The following SAMD5 variants were observed in gnomAD, a reference collection of about 807,000 sequenced individuals.
SAMD5 encodes the protein sterile alpha motif domain containing 5.
In SAMD5, 13 loss-of-function variants were observed where a neutral mutation model predicts 11.3. The ratio of observed to expected loss-of-function variants is 1.15; its 90% CI spans 0.75 to 1.83. The LOEUF (loss-of-function observed/expected upper bound fraction) is 1.83, where lower values mean the gene tolerates loss of function less well. SAMD5 is among the 40% of genes most tolerant of loss of function. The pLI is 0.00. For missense variants in SAMD5, 255 were observed against 239.1 expected (o/e 1.07, Z -0.44); for synonymous variants, 129 against 111.3 (o/e 1.16, Z -1.00).
chr6:147,577,557 C>A (rs1308481953), intron 1 of SAMD5, among the ~76,000 whole-genome samples: 1 of 151,970 alleles, frequency 6.6e-6, no homozygotes, highest in Non-Finnish European at 1.5e-5. Flanking sequence ...TCTCTTTTAG[C>A]CTACAAATCC....
the SAMD5 span, among the ~76,000 whole-genome samples, chr6:147,867,452 T>C: frequency 1.3e-5 from 2 of 152,090 alleles, no homozygotes; most frequent in Non-Finnish European, 2.9e-5. Context: ...AGAAATAATA[T>C]GTAAAATGCC....
At chr6:147,752,311 A>G in the SAMD5 span, among the ~76,000 whole-genome samples, 1 of 152,216 alleles carries the variant, frequency 6.6e-6, no homozygotes, top group Admixed American at 6.5e-5. Context: ...ATCGTGTTTC[A>G]TTGTGATACC....
chr6:147,937,328 C>T, the SAMD5 span, among the ~76,000 whole-genome samples: 2 of 152,122 alleles, frequency 1.3e-5, 1 homozygote, highest in South Asian at 4.1e-4. Flanking sequence ...AAATTTGGAT[C>T]CTCTAGCAAG....
the SAMD5 span, among the ~76,000 whole-genome samples, chr6:147,790,750 CTCTCTT>C: frequency 1.7e-3 from 121 of 72,562 alleles, 3 homozygotes; most frequent in African/African-American, 8.5e-3. Flanking sequence ...CTCTCTCTCT[CTCTCTT>C]TCTCTCTCTC....
At chr6:147,942,657 G>A in the SAMD5 span, among the ~76,000 whole-genome samples, 6 of 152,292 alleles carry the variant, frequency 3.9e-5, no homozygotes, top group East Asian at 1.2e-3. Context: ...TGGAAAAGCT[G>A]CAGCTCCAGC....
chr6:147,795,991 G>A, the SAMD5 span, among the ~76,000 whole-genome samples: 900 of 147,150 alleles, frequency 6.1e-3, 3 homozygotes, highest in African/African-American at 0.018. Context: ...AGTAGGTTGC[G>A]AAAATTTTCT....
the SAMD5 span, among the ~76,000 whole-genome samples, chr6:147,822,573 G>A: frequency 6.6e-6 from 1 of 152,110 alleles, no homozygotes; most frequent in East Asian, 1.9e-4. Context: ...TCAATGCTAT[G>A]CCACCTCGGG....
chr6:147,667,452 T>C (rs1351273937), intron 1 of SAMD5, among the ~76,000 whole-genome samples: 2 of 152,190 alleles, frequency 1.3e-5, no homozygotes, highest in Non-Finnish European at 2.9e-5. Flanking sequence ...CAAAGCCTGG[T>C]CTGGAACAGC....
At chr6:147,643,506 C>A (rs963704117) in intron 1 of SAMD5, among the ~76,000 whole-genome samples, 20 of 152,108 alleles carry the variant, frequency 1.3e-4, no homozygotes, top group African/African-American at 4.8e-4. Context: ...AACTTTACTT[C>A]TTTTACCCCG....
chr6:147,741,674 CA>C (rs1477361894), downstream of SAMD5: 1 of 152,142 alleles, frequency 6.6e-6, no homozygotes, highest in African/African-American at 2.4e-5. Flanking sequence ...GGCTTCTGAT[CA>C]CAACCCCACA....
chr6:147,837,229 TC>T, the SAMD5 span, among the ~76,000 whole-genome samples: 2 of 152,138 alleles, frequency 1.3e-5, no homozygotes, highest in Non-Finnish European at 2.9e-5. Flanking sequence ...CCTAAGTACC[TC>T]CTTCTCAAAG....
chr6:147,884,221 G>T, the SAMD5 span, among the ~76,000 whole-genome samples: 1 of 152,126 alleles, frequency 6.6e-6, no homozygotes, highest in Non-Finnish European at 1.5e-5. Flanking sequence ...AGAACTGATA[G>T]GGTACCATTC....
At chr6:147,707,334 A>G (rs903259971) in intron 1 of SAMD5, among the ~76,000 whole-genome samples, 1 of 152,224 alleles carries the variant, frequency 6.6e-6, no homozygotes, top group Non-Finnish European at 1.5e-5. Flanking sequence ...TGAATACACC[A>G]TTTTGTTCAG....
In SAMD5 at chr6:147,662,333, A is replaced by G. The variant is rs572513095; in HGVS notation, c.163-74984A>G. Among the ~76,000 whole-genome samples, 4 of 152,302 alleles carry G rather than the reference A, an allele frequency of 2.6e-5. No individual in the cohort carries two copies. The East Asian group carries it at 7.7e-4, about 29-fold the overall frequency. On this transcript the variant is annotated intron_variant, in intron 1 of 1. Coordinates refer to the SAMD5 transcript ENST00000566741. ...TTCAGAGATGGATGCTCCAAGCAGAACTCTGCGACTCTGTAGTGCTCTTGG... is the reference window on the plus strand; with the variant it reads ...TTCAGAGATGGATGCTCCAAGCAGAGCTCTGCGACTCTGTAGTGCTCTTGG...
At chr6:147,570,468 C>T (rs532265958), downstream of SAMD5, among the ~76,000 whole-genome samples, 32 of 152,270 alleles carry the variant, frequency 2.1e-4, no homozygotes, top group African/African-American at 5.8e-4. Context: ...GTTCATTAGA[C>T]GCAGAGTGCT....
chr6:147,685,513 C>T (rs1222668648), intron 1 of SAMD5, among the ~76,000 whole-genome samples: 1 of 152,170 alleles, frequency 6.6e-6, no homozygotes, highest in Non-Finnish European at 1.5e-5. Flanking sequence ...GTCGCTTCCT[C>T]TGGGACATCT....
At chr6:147,673,518 C>A (rs1051953074) in intron 1 of SAMD5, among the ~76,000 whole-genome samples, 2 of 152,056 alleles carry the variant, frequency 1.3e-5, no homozygotes, top group African/African-American at 2.4e-5. Context: ...CCGCCAAAAA[C>A]CATTTTTTAA....
At chr6:147,580,668 A>ATTTAAT (rs1223358600) in intron 1 of SAMD5, among the ~76,000 whole-genome samples, 2 of 152,222 alleles carry the variant, frequency 1.3e-5, no homozygotes, top group African/African-American at 4.8e-5. Flanking sequence ...ATGTATGGCC[A>ATTTAAT]GTGGTAGCAT....
the SAMD5 span, among the ~76,000 whole-genome samples, chr6:147,880,965 A>G: frequency 6.6e-6 from 1 of 152,130 alleles, no homozygotes; most frequent in Non-Finnish European, 1.5e-5. Flanking sequence ...AGGCCTGAAT[A>G]CCCTAGACAC....
Sources: allele counts gnomAD v4.1 joint callset (sites outside exome capture counted in the v4.1 genomes callset), GRCh38; gene constraint gnomAD v4.1.1; transcripts MANE v1.5; gene names NCBI Gene and HGNC (gene_info 2026-07-23, HGNC 2026-07-21).